GNAQ: variants seen among roughly 807,000 people sequenced by gnomAD.
GNAQ encodes the protein G protein subunit alpha q.
A neutral mutation model predicts 43.9 loss-of-function variants in GNAQ; 8 were observed. The observed-to-expected ratio is 0.18, with a 90% CI of 0.11 to 0.33. GNAQ has a LOEUF of 0.33. Ranked by LOEUF, GNAQ falls within the 10% of genes least tolerant of loss-of-function variation. The pLI is 1.00. For synonymous variants in GNAQ, 155 were observed against 170.7 expected, an observed-to-expected ratio of 0.91 and a Z score of 0.71; for missense variants, 158 against 450.8, an observed-to-expected ratio of 0.35 and a Z score of 5.88.
chr9:77,952,243 G>C (rs943514968), intron 1 of GNAQ, among the ~76,000 whole-genome samples: 3 of 152,166 alleles, frequency 2.0e-5, no homozygotes, highest in African/African-American at 7.2e-5. Flanking sequence ...CATTGTTGCT[G>C]TTGTTGTTGT....
At chr9:77,829,387 T>TA (rs1827260337) in intron 2 of GNAQ, among the ~76,000 whole-genome samples, 2 of 152,188 alleles carry the variant, frequency 1.3e-5, no homozygotes, top group South Asian at 4.1e-4. Flanking sequence ...TTCTCCATAG[T>TA]AGTGTTAAGC....
At chr9:77,979,395 A>G (rs1823342012) in intron 1 of GNAQ, among the ~76,000 whole-genome samples, 1 of 151,984 alleles carries the variant, frequency 6.6e-6, no homozygotes, top group Admixed American at 6.5e-5. Flanking sequence ...TTAAAATTAA[A>G]ATATATGAAA....
Position 77,782,016 on chromosome 9 carries a change from T to A in GNAQ, c.735+12447A>T, listed in dbSNP as rs577491988. ...GCACTGAACTGGAAGTCCTAGCAAATGTAATAAAATAAGAAAAGGAAATAA... is the reference window on the plus strand; with the variant it reads ...GCACTGAACTGGAAGTCCTAGCAAAAGTAATAAAATAAGAAAAGGAAATAA... On this transcript the variant is annotated intron_variant, in intron 5 of 6. Coordinates refer to ENST00000286548, the MANE Select transcript of GNAQ (RefSeq NM_002072.5). 7.2e-5 allele frequency among the ~76,000 whole-genome samples: 11 copies of A among 152,010 alleles called. No individual in the cohort carries two copies. In the East Asian group the frequency reaches 2.1e-3, roughly 29 times the overall value.
intron 2 of GNAQ, among the ~76,000 whole-genome samples, chr9:77,899,176 A>G (rs1220563514): frequency 6.6e-6 from 1 of 152,070 alleles, no homozygotes; most frequent in Non-Finnish European, 1.5e-5. Flanking sequence ...GGCTCACTGC[A>G]GCCTCCACCT....
At chr9:77,908,402 T>C (rs772375839) in intron 2 of GNAQ, among the ~76,000 whole-genome samples, 13 of 152,210 alleles carry the variant, frequency 8.5e-5, no homozygotes, top group Admixed American at 3.3e-4. Flanking sequence ...TCTTGGATCA[T>C]AGCCTCTTGT....
At chr9:77,749,224 C>CA (rs1264724907) in intron 5 of GNAQ, among the ~76,000 whole-genome samples, 6 of 152,246 alleles carry the variant, frequency 3.9e-5, no homozygotes, top group African/African-American at 1.2e-4. Flanking sequence ...GGGTCTAAGT[C>CA]AAAACATCCC....
At chr9:77,952,703 T>A (rs1462901510) in intron 1 of GNAQ, among the ~76,000 whole-genome samples, 1 of 152,234 alleles carries the variant, frequency 6.6e-6, no homozygotes, top group Admixed American at 6.5e-5. Context: ...CAGTTTACCA[T>A]GCTAAATCAG....
intron 5 of GNAQ, among the ~76,000 whole-genome samples, chr9:77,735,025 A>G (rs763239116): frequency 4.6e-5 from 7 of 152,188 alleles, no homozygotes; most frequent in Non-Finnish European, 1.0e-4. Context: ...TACACTGTAC[A>G]TGACGAAACA....
intron 1 of GNAQ, among the ~76,000 whole-genome samples, chr9:78,027,751 C>CAA (rs34880934): frequency 8.7e-6 from 1 of 115,482 alleles, no homozygotes. Context: ...AACTCCATCT[C>CAA]AAAAAAAAAA....
At chr9:77,725,579 T>TA (rs55766160) in intron 6 of GNAQ, among the ~76,000 whole-genome samples, 2,662 of 57,136 alleles carry the variant, frequency 0.047, 172 homozygotes, top group African/African-American at 0.13. Flanking sequence ...AAGGTAACAG[T>TA]AAAAAAAAAA....
chr9:77,956,244 T>G (rs550627474), intron 1 of GNAQ, among the ~76,000 whole-genome samples: 61 of 152,166 alleles, frequency 4.0e-4, no homozygotes, highest in Non-Finnish European at 8.2e-4. Flanking sequence ...TTACACTAAT[T>G]AGACCCCAAA....
intron 2 of GNAQ, among the ~76,000 whole-genome samples, chr9:77,880,555 G>GTTTTTTTTTTTT (rs55926441): frequency 1.4e-5 from 2 of 141,482 alleles, no homozygotes; most frequent in Admixed American, 7.0e-5. Context: ...GATTTTTTCT[G>GTTTTTTTTTTTT]TTTTTTTTTT....
At position 77,728,686 on chromosome 9, in the gene GNAQ, T is replaced by C; in HGVS notation, c.736-19A>G. On this transcript the variant is annotated intron_variant, in intron 5 of 6. Coordinates refer to ENST00000286548, the MANE Select transcript of GNAQ (RefSeq NM_002072.5). ...TTCGGTTCTGGAAAAAAAAAAAAAA[T>C]CAGAAAAAACAAGGAGTGAATTACA... 1 of 1,166,272 alleles carries C rather than the reference T, an allele frequency of 8.6e-7. No individual in the cohort carries two copies. Among genetic ancestry groups the C allele is most frequent in the Non-Finnish European group, 1.2e-6 (1 of 817,106 alleles). The allele number at this position is 1,166,272 out of a possible 1,614,324, so 72.2% of individuals were successfully genotyped here.
At chr9:77,861,582 G>A (rs2117975537) in intron 2 of GNAQ, among the ~76,000 whole-genome samples, 1 of 152,218 alleles carries the variant, frequency 6.6e-6, no homozygotes, top group African/African-American at 2.4e-5. Flanking sequence ...ATTCCAAATG[G>A]GAGAAATTGG....
intron 1 of GNAQ, among the ~76,000 whole-genome samples, chr9:77,945,794 G>A (rs1822882224): frequency 6.6e-6 from 1 of 152,132 alleles, no homozygotes; most frequent in African/African-American, 2.4e-5. Context: ...CTAAGAACAT[G>A]AACTTTACAC....
At chr9:77,982,807 GA>G (rs1222755138) in intron 1 of GNAQ, among the ~76,000 whole-genome samples, 5 of 151,010 alleles carry the variant, frequency 3.3e-5, no homozygotes, top group African/African-American at 1.2e-4. Context: ...GGAGTGGGGA[GA>G]GGGGGGAGGG....
intron 2 of GNAQ, among the ~76,000 whole-genome samples, chr9:77,909,158 G>A (rs1008869123): frequency 6.6e-6 from 1 of 152,080 alleles, no homozygotes; most frequent in African/African-American, 2.4e-5. Flanking sequence ...ACTGATACAC[G>A]CCACCCACAA....
intron 1 of GNAQ, among the ~76,000 whole-genome samples, chr9:77,947,036 G>A (rs540666372): frequency 1.3e-5 from 2 of 152,350 alleles, no homozygotes; most frequent in African/African-American, 4.8e-5. Context: ...CGAGTAACAA[G>A]CTATGTTCTT....
chr9:77,841,404 A>C (rs1272445810), intron 2 of GNAQ, among the ~76,000 whole-genome samples: 1 of 152,234 alleles, frequency 6.6e-6, no homozygotes, highest in Non-Finnish European at 1.5e-5. Flanking sequence ...AGCTCTCAGT[A>C]TATATTTAAA....
Sources: allele counts gnomAD v4.1 joint callset (sites outside exome capture counted in the v4.1 genomes callset), GRCh38; gene constraint gnomAD v4.1.1; transcripts MANE v1.5; gene names NCBI Gene and HGNC (gene_info 2026-07-23, HGNC 2026-07-21).